The following TBCD variants were observed in gnomAD, a reference collection of about 807,000 sequenced individuals.
TBCD encodes the protein tubulin folding cofactor D.
Under a neutral mutation model 169.3 loss-of-function variants are expected in TBCD, and 105 were observed. That is an observed-to-expected ratio of 0.62 (90% CI 0.53 to 0.73). TBCD has a LOEUF of 0.73. TBCD is among the 30% of genes least tolerant of loss of function. The probability of loss-of-function intolerance (pLI) is 0.00; values close to 1 mark genes in which losing one functional copy is unlikely to be tolerated. For synonymous variants in TBCD, 700 were observed against 643.9 expected, an observed-to-expected ratio of 1.09 and a Z score of -1.32; for missense variants, 1,444 against 1,600.1, an observed-to-expected ratio of 0.90 and a Z score of 1.66.
At position 82,766,301 on chromosome 17, in the gene TBCD, C is replaced by T. The variant is rs1489691664; in HGVS notation, c.368C>T (p.Pro123Leu). Residue 123 changes from proline (P) to leucine (L), a missense_variant, in exon 4 of 39, where the codon CCT becomes CTT. Transcript: ENST00000355528. ...TATAAAACATTTCTTCGTTTATTTC[C>T]TCATGAAGTTGCCGATGTAGAGCCT... ...RGYKTFLRLF[P>L]HEVADVEPVL... 1 of 1,612,956 alleles carries T rather than the reference C, an allele frequency of 6.2e-7. No individual in the cohort carries two copies. Among genetic ancestry groups the T allele is most frequent in the Admixed American group, 1.7e-5 (1 of 59,862 alleles).
At chr17:82,883,660 T>C (rs1311131740) in intron 14 of TBCD, among the ~76,000 whole-genome samples, 1 of 152,218 alleles carries the variant, frequency 6.6e-6, no homozygotes, top group Admixed American at 6.5e-5. Flanking sequence ...AGGGTTAGGC[T>C]CTGTGCATGG....
chr17:82,937,146 A>T, intron 34 of TBCD, 125 bp from the exon 35 acceptor site: 2 of 784,088 alleles, frequency 2.6e-6, no homozygotes, highest in Non-Finnish European at 4.2e-6. Context: ...GAGGGGCCTC[A>T]GGGCTGCAGG....
intron 14 of TBCD, among the ~76,000 whole-genome samples, chr17:82,873,178 T>C (rs2057732057): frequency 6.6e-6 from 1 of 152,262 alleles, no homozygotes. Context: ...CCTTTCATGG[T>C]GAAAATCCTC....
At chr17:82,768,080 T>A (rs2048112384) in intron 4 of TBCD, among the ~76,000 whole-genome samples, 1 of 152,174 alleles carries the variant, frequency 6.6e-6, no homozygotes, top group Non-Finnish European at 1.5e-5. Flanking sequence ...TTTTACTTTT[T>A]ATCTGTTTTT....
chr17:82,757,504 C>G (rs1401954022), intron 2 of TBCD, among the ~76,000 whole-genome samples: 3 of 151,950 alleles, frequency 2.0e-5, no homozygotes, highest in African/African-American at 7.3e-5. Flanking sequence ...TGCCTGTAGT[C>G]CCAGTTACTT....
At chr17:82,902,118 T>C (rs1451079078) in intron 18 of TBCD, among the ~76,000 whole-genome samples, 1 of 152,192 alleles carries the variant, frequency 6.6e-6, no homozygotes, top group Non-Finnish European at 1.5e-5. Context: ...TGGAGGCAGA[T>C]ACACTTTCGC....
intron 17 of TBCD, 110 bp from the exon 18 acceptor site, chr17:82,900,541 T>G: frequency 1.2e-6 from 1 of 832,454 alleles, no homozygotes; most frequent in East Asian, 2.5e-5. Context: ...GTGGTAGATT[T>G]GAAGAAATGG....
chr17:82,772,604 G>A (rs2048363594), intron 6 of TBCD, 97 bp downstream of exon 6: 8 of 1,305,392 alleles, frequency 6.1e-6, no homozygotes, highest in Admixed American at 1.7e-5. Context: ...GTCCTCAGAC[G>A]AAGGACCCCG....
intron 13 of TBCD, among the ~76,000 whole-genome samples, chr17:82,850,972 T>G (rs1316285345): frequency 6.6e-6 from 1 of 152,220 alleles, no homozygotes; most frequent in Non-Finnish European, 1.5e-5. Flanking sequence ...ATACAATATT[T>G]CAACAGCAGA....
In TBCD at chr17:82,822,641, A is replaced by G. The variant is rs192562205; in HGVS notation, c.1318+7707A>G. Among the ~76,000 whole-genome samples the G allele has an allele frequency of 4.4e-3, 665 of 152,336 alleles. 3 individuals carry two copies. The highest frequency in any genetic ancestry group is 0.014 in the Middle Eastern group (4 of 294). ...TGGGGAATACACGGGGGTGCAGTGG[A>G]AAGGAAGAGCGAGGGAGAGTGAGGC... On this transcript the variant is annotated intron_variant, in intron 13 of 38. Transcript: ENST00000355528.
chr17:82,926,436 C>G lies in TBCD; in HGVS notation c.2416C>G (p.Pro806Ala), dbSNP rs772726109. 6.2e-7 allele frequency: 1 copy of G among 1,614,016 alleles called. No homozygotes were observed. The highest frequency in any genetic ancestry group is 1.7e-5 in the Admixed American group (1 of 60,020). ...TTTAAGAGCAGTTACCCACACTTCC[C>G]CCGAGGACGTAAGTTTTGCTGAGTC... Reference protein sequence around the residue: ...TGLRAVTHTSPEDVSFAESRR... With the variant: ...TGLRAVTHTSAEDVSFAESRR... The change falls in exon 28 of 39, where the codon CCC (proline) becomes GCC (alanine). Residue 806 changes from proline to alanine, a missense_variant. Transcript: ENST00000355528.
chr17:82,906,196 G>C (rs2060238345), intron 20 of TBCD, 143 bp downstream of exon 20: 1 of 666,682 alleles, frequency 1.5e-6, no homozygotes, highest in Admixed American at 2.6e-5. Context: ...ATAGGCCCCA[G>C]GTTGTATTGA....
chr17:82,838,133 CACAG>C (rs1020929647), intron 13 of TBCD, among the ~76,000 whole-genome samples: 1 of 152,228 alleles, frequency 6.6e-6, no homozygotes, highest in Non-Finnish European at 1.5e-5. Context: ...TAGCTGCCCA[CACAG>C]ACAGTGCTTT....
intron 34 of TBCD, among the ~76,000 whole-genome samples, chr17:82,934,559 G>A (rs950297305): frequency 6.6e-6 from 1 of 151,876 alleles, no homozygotes; most frequent in East Asian, 2.0e-4. Context: ...TGCAACCTCT[G>A]CCTCCTGGGT....
At chr17:82,869,078 T>A (rs1322671379) in intron 13 of TBCD, among the ~76,000 whole-genome samples, 1 of 152,200 alleles carries the variant, frequency 6.6e-6, no homozygotes, top group Non-Finnish European at 1.5e-5. Flanking sequence ...GGAGTGCTTA[T>A]CTGGGGAGGC....
intron 21 of TBCD, chr17:82,908,162 G>A (rs907832958): frequency 1.3e-5 from 5 of 393,462 alleles, no homozygotes; most frequent in African/African-American, 2.1e-5. Context: ...GCTGGAGTGT[G>A]GTTTCCCTCC....
chr17:82,756,166 A>G lies in TBCD; in HGVS notation c.186A>G (p.Val62=), dbSNP rs750174086. 11 of 1,606,906 alleles carry G rather than the reference A, an allele frequency of 6.8e-6. No individual in the cohort carries two copies. Among genetic ancestry groups the G allele is most frequent in the African/African-American group, 6.7e-5 (5 of 74,736 alleles). Reference sequence around the variant, plus strand: ...TTTTCATGTTATATTTGTTTTTAGTAATAATGGACAAATACCAGGAGCAGC... The same window carrying G: ...TTTTCATGTTATATTTGTTTTTAGTGATAATGGACAAATACCAGGAGCAGC... ...EREVALERFR[V]IMDKYQEQPH... The change falls in exon 2 of 39, where the codon GTA becomes GTG. Residue 62 remains valine (V), a splice_region_variant and synonymous_variant. Coordinates refer to ENST00000355528, the MANE Select transcript of TBCD (RefSeq NM_005993.5).
At chr17:82,753,035 T>G (rs2047199390) in intron 1 of TBCD, among the ~76,000 whole-genome samples, 1 of 152,216 alleles carries the variant, frequency 6.6e-6, no homozygotes, top group African/African-American at 2.4e-5. Flanking sequence ...CAGACCCACC[T>G]TTACCGCTGT....
At chr17:82,910,452 C>T (rs754967470) in intron 22 of TBCD, among the ~76,000 whole-genome samples, 9 of 152,290 alleles carry the variant, frequency 5.9e-5, no homozygotes, top group African/African-American at 2.2e-4. Flanking sequence ...AAAATTTTAT[C>T]GTCTGTCTTA....
Sources: gnomAD v4.1 joint callset for allele counts (sites outside exome capture counted in the v4.1 genomes callset) on GRCh38, gnomAD v4.1.1 for gene constraint, MANE v1.5 for transcripts, NCBI Gene and HGNC (gene_info 2026-07-23, HGNC 2026-07-21) for gene names.